The following UPRT variants were observed in gnomAD, a reference collection of about 807,000 sequenced individuals.
The protein encoded by UPRT is RP11-311P8.3.
In UPRT, 5 loss-of-function variants were observed where a neutral mutation model predicts 22.6. The observed-to-expected ratio is 0.22, with a 90% confidence interval of 0.12 to 0.47. The LOEUF is 0.47. UPRT is among the 20% of genes least tolerant of loss of function. The pLI is 0.99. For missense variants in UPRT, 181 were observed against 239.9 expected, an observed-to-expected ratio of 0.75 and a Z score of 1.62; for synonymous variants, 77 against 87.7, an observed-to-expected ratio of 0.88 and a Z score of 0.68.
At chrX:75,170,053 T>G (rs1475630168) in intron 4 of UPRT, among the ~76,000 whole-genome samples, 1 of 103,764 alleles carries the variant, frequency 9.6e-6, no homozygotes, top group South Asian at 4.6e-4. Context: ...TTTTTTTTTT[T>G]TGAGATGGAG....
chrX:75,188,161 A>G (rs181205694), intron 4 of UPRT, among the ~76,000 whole-genome samples: 17 of 111,239 alleles, frequency 1.5e-4, no homozygotes, highest in African/African-American at 5.6e-4. Flanking sequence ...GTTTTTATCT[A>G]CTTCTGGTCT....
At chrX:75,269,943 G>T (rs1370025572), upstream of UPRT, among the ~76,000 whole-genome samples, 2 of 111,452 alleles carry the variant, frequency 1.8e-5, no homozygotes, top group Non-Finnish European at 3.8e-5. Flanking sequence ...CACAGCAAAA[G>T]AAACTATCAT....
At chrX:75,293,173 G>T (rs1240593943) in intron 1 of UPRT, among the ~76,000 whole-genome samples, 1 of 111,127 alleles carries the variant, frequency 9.0e-6, no homozygotes, top group Non-Finnish European at 1.9e-5. Context: ...CCCTCCAGGG[G>T]TAACTTGTTC....
intron 6 of UPRT, among the ~76,000 whole-genome samples, chrX:75,301,173 G>T (rs958330720): frequency 8.0e-5 from 9 of 112,335 alleles, no homozygotes; most frequent in African/African-American, 2.6e-4. Flanking sequence ...AAATGGAGAA[G>T]TATGAACTAA....
At chrX:75,185,599 C>G (rs2082287248) in intron 4 of UPRT, among the ~76,000 whole-genome samples, 3 of 111,946 alleles carry the variant, frequency 2.7e-5, no homozygotes, top group African/African-American at 6.5e-5. Context: ...AGGAATGGTA[C>G]CAGTTCCTCC....
intron 4 of UPRT, among the ~76,000 whole-genome samples, chrX:75,185,081 G>A (rs1160793428): frequency 1.8e-5 from 2 of 111,583 alleles, no homozygotes; most frequent in African/African-American, 6.5e-5. Context: ...GTGAGAGAGG[G>A]CATCCCTGTC....
At chrX:75,217,044 C>T (rs1289574855) in intron 4 of UPRT, among the ~76,000 whole-genome samples, 2 of 111,808 alleles carry the variant, frequency 1.8e-5, no homozygotes, top group African/African-American at 6.5e-5. Context: ...TGAGCCACTG[C>T]GCCTGGCCGA....
intron 4 of UPRT, among the ~76,000 whole-genome samples, chrX:75,213,517 A>C (rs2082385045): frequency 8.9e-6 from 1 of 112,201 alleles, no homozygotes; most frequent in African/African-American, 3.2e-5. Flanking sequence ...TAAATACACC[A>C]ATTAAAAGAC....
Position 75,303,578 on chromosome X carries a change from C to T in UPRT, c.*67C>T. The stretch of plus-strand genomic sequence containing the variant: ...ATGTTTTGATTTTCTATTTGTTTTA[C>T]TGATTCACTTGAGGGTGGCAGAGAA... On this transcript the variant is annotated 3_prime_UTR_variant, in exon 7 of 7. Transcript: ENST00000373383. The T allele has an allele frequency of 2.2e-6, 2 of 925,054 alleles. No individual in the cohort carries two copies. The highest frequency in any genetic ancestry group is 3.0e-6 in the Non-Finnish European group (2 of 671,168). The allele number at this position is 925,054 out of a possible 1,213,427, so 76.2% of individuals were successfully genotyped here. A position where few individuals can be genotyped will look rare whatever the true frequency, so the allele number is the denominator to read the frequency against.
intron 4 of UPRT, among the ~76,000 whole-genome samples, chrX:75,227,952 T>G (rs1266461817): frequency 8.9e-6 from 1 of 112,331 alleles, no homozygotes; most frequent in Non-Finnish European, 1.9e-5. Flanking sequence ...TTTAAATAGT[T>G]TAAAGCATCA....
chrX:75,264,462 C>G (rs745942242), intron 4 of UPRT, among the ~76,000 whole-genome samples: 1 of 111,633 alleles, frequency 9.0e-6, no homozygotes, highest in African/African-American at 3.3e-5. Context: ...GAATTGATCC[C>G]TTTACCATTG....
chrX:75,191,417 G>A (rs1056880701), intron 4 of UPRT, among the ~76,000 whole-genome samples: 1 of 111,673 alleles, frequency 9.0e-6, no homozygotes, highest in East Asian at 2.9e-4. Context: ...TAGGCTACTC[G>A]GGGGTGAGGG....
rs56145702 is a variant in UPRT, at chrX:75,203,481, GACACACAC to G, written c.-447+35629_-447+35636del. On this transcript the variant is annotated intron_variant, in intron 4 of 13. Coordinates refer to the UPRT transcript ENST00000652605. ...GTTTGAAGAGAAGGCAAGGGTTAAA[GACACACAC>G]ACACACACACACACACACACACACA... Among the ~76,000 whole-genome samples the G allele has an allele frequency of 3.3e-3, 303 of 91,255 alleles. 1 individual carries two copies. Among genetic ancestry groups the G allele is most frequent in the East Asian group, 5.0e-3 (14 of 2,784 alleles). 79.2% of individuals were successfully genotyped at this position (91,255 alleles called of 115,157 possible).
Position 75,304,168 on chromosome X carries a change from A to T in UPRT, c.*657A>T, listed in dbSNP as rs968260524. The T allele has an allele frequency of 9.0e-6, 1 of 111,400 alleles. No individual in the cohort carries two copies. Among genetic ancestry groups the T allele is most frequent in the African/African-American group, 3.3e-5 (1 of 30,626 alleles). 9.2% of individuals were successfully genotyped at this position (111,400 alleles called of 1,213,427 possible). A position where few individuals can be genotyped will look rare whatever the true frequency, so the allele number is the denominator to read the frequency against. ...AAGAAGATGGTGGGGCATTTTTAGT[A>T]ATTGGAACTGTAACATTAATTTACA... On this transcript the variant is annotated 3_prime_UTR_variant, in exon 7 of 7. Coordinates refer to ENST00000373383, the MANE Select transcript of UPRT (RefSeq NM_145052.4).
intron 4 of UPRT, among the ~76,000 whole-genome samples, chrX:75,183,624 T>C (rs1043951164): frequency 8.9e-6 from 1 of 112,024 alleles, no homozygotes; most frequent in African/African-American, 3.2e-5. Flanking sequence ...ATTGAACTAC[T>C]TTACAGTCCC....
intron 4 of UPRT, among the ~76,000 whole-genome samples, chrX:75,228,822 A>G (rs1173213123): frequency 8.9e-6 from 1 of 112,218 alleles, no homozygotes; most frequent in Non-Finnish European, 1.9e-5. Flanking sequence ...TGTATTTGAA[A>G]ATGATTTTAA....
intron 4 of UPRT, among the ~76,000 whole-genome samples, chrX:75,178,605 T>C (rs1266722185): frequency 9.0e-6 from 1 of 110,500 alleles, no homozygotes; most frequent in Non-Finnish European, 1.9e-5. Context: ...TTCTGGTGGG[T>C]TCGTGGTCTC....
chrX:75,243,626 C>T (rs1194264560), intron 4 of UPRT, among the ~76,000 whole-genome samples: 1 of 111,173 alleles, frequency 9.0e-6, no homozygotes, highest in African/African-American at 3.3e-5. Flanking sequence ...GATGAATAGA[C>T]CAAATGCTTA....
chrX:75,177,445 C>T (rs949592109), intron 4 of UPRT, among the ~76,000 whole-genome samples: 40 of 111,026 alleles, frequency 3.6e-4, no homozygotes, highest in African/African-American at 9.5e-4. Context: ...GAGGACCGAC[C>T]GAGAAAAATC....
Sources: gnomAD v4.1 joint callset for allele counts (sites outside exome capture counted in the v4.1 genomes callset) on GRCh38, gnomAD v4.1.1 for gene constraint, MANE v1.5 for transcripts, NCBI Gene and HGNC (gene_info 2026-07-23, HGNC 2026-07-21) for gene names.